Variants in COL21A1 observed in about 807,000 individuals in gnomAD.
COL21A1 encodes collagen type XXI alpha 1 chain, also known as collagen alpha-1(XXI) chain.
In COL21A1, 149 loss-of-function variants were observed where a neutral mutation model predicts 137.9. The observed-to-expected ratio is 1.08, with a 90% CI of 0.95 to 1.24. The LOEUF is 1.24. Among genes scored for constraint, COL21A1 ranks in the 50% most tolerant of loss-of-function variants. The pLI, the probability that COL21A1 is intolerant of heterozygous loss-of-function variation, is 0.00. For missense variants in COL21A1, 1,167 were observed against 1,158.4 expected (o/e 1.01, Z -0.11); for synonymous variants, 456 against 391.5 (o/e 1.16, Z -1.95).
At position 56,269,463 on chromosome 6, in the gene COL21A1, G is replaced by A. The variant is rs369202477; in HGVS notation, c.-38-86807C>T. ...GAGGTCAGGAGATCGAGACCATCCCGGCTAAAACGGTGAAACCCCGTCTCT... is the reference window on the plus strand; with the variant it reads ...GAGGTCAGGAGATCGAGACCATCCCAGCTAAAACGGTGAAACCCCGTCTCT... On this transcript the variant is annotated intron_variant, in intron 1 of 28. Coordinates refer to the COL21A1 transcript ENST00000370819. Among the ~76,000 whole-genome samples the A allele has an allele frequency of 6.5e-4, 99 of 151,732 alleles. No homozygotes were observed. The East Asian group carries it at 9.3e-3, about 14-fold the overall frequency.
rs9475662 is a variant in COL21A1, at chr6:56,313,066, C to A, written c.-39+80905G>T. Among the ~76,000 whole-genome samples the A allele has an allele frequency of 3.6e-3, 542 of 152,146 alleles. 6 individuals carry two copies. The highest frequency in any genetic ancestry group is 0.012 in the African/African-American group (518 of 41,514). On this transcript the variant is annotated intron_variant, in intron 1 of 28. Coordinates refer to the COL21A1 transcript ENST00000370819. ...CATGCTTGGCAAATCCCCCTGGTTT[C>A]TCGGGATCATTCAAGGTGGGGCAGG...
chr6:56,212,565 AAAC>A (rs1376740468), intron 1 of COL21A1, among the ~76,000 whole-genome samples: 1 of 152,094 alleles, frequency 6.6e-6, no homozygotes, highest in Non-Finnish European at 1.5e-5. Context: ...CTTTCAAGGA[AAAC>A]AACTAATCAT....
intron 1 of COL21A1, among the ~76,000 whole-genome samples, chr6:56,255,807 C>T (rs766504146): frequency 2.0e-5 from 3 of 152,166 alleles, no homozygotes; most frequent in Admixed American, 6.5e-5. Context: ...TCAAGAAAGC[C>T]GCAATGTACC....
intron 24 of COL21A1, among the ~76,000 whole-genome samples, chr6:56,063,795 TA>T (rs1350882467): frequency 6.6e-6 from 1 of 152,044 alleles, no homozygotes; most frequent in Non-Finnish European, 1.5e-5. Flanking sequence ...AGAGTTGGTG[TA>T]ATTGCAGAAT....
chr6:56,293,397 A>T (rs946595646), intron 1 of COL21A1, among the ~76,000 whole-genome samples: 1 of 152,120 alleles, frequency 6.6e-6, no homozygotes, highest in Non-Finnish European at 1.5e-5. Flanking sequence ...GACATTAAGG[A>T]TTCTTTTAGT....
At chr6:56,304,973 C>T (rs1028834841) in intron 1 of COL21A1, among the ~76,000 whole-genome samples, 3 of 152,156 alleles carry the variant, frequency 2.0e-5, no homozygotes, top group African/African-American at 7.2e-5. Flanking sequence ...TTTATTTCTG[C>T]CTTCATTTCG....
rs148600832 is a variant in COL21A1, at chr6:56,126,882, T to G, written c.1543-733A>C. Among the ~76,000 whole-genome samples, 483 of 152,286 alleles carry G rather than the reference T, an allele frequency of 3.2e-3. 2 individuals are homozygous for G. Among genetic ancestry groups the G allele is most frequent in the African/African-American group, 0.011 (460 of 41,562 alleles). ...ATTACACACAAGCAATCAATTATAC[T>G]CCTAGCTTGTCTGGTAGACATATTA... On this transcript the variant is annotated intron_variant, in intron 12 of 29. Coordinates refer to ENST00000244728, the MANE Select transcript of COL21A1 (RefSeq NM_030820.4).
intron 10 of COL21A1, among the ~76,000 whole-genome samples, chr6:56,151,412 T>C (rs555471341): frequency 2.6e-5 from 4 of 152,302 alleles, no homozygotes; most frequent in Middle Eastern, 3.4e-3. Context: ...CTGAATTACC[T>C]GGCAGGATAT....
rs376816512 is a variant in COL21A1, at chr6:56,171,899, T to G, written c.641-771A>C. Among the ~76,000 whole-genome samples, 6 of 152,054 alleles carry G rather than the reference T, an allele frequency of 3.9e-5. No homozygotes were observed. The East Asian group carries it at 7.7e-4, about 20-fold the overall frequency. ...GAAAAAATTTACTAAAGATGATTAA[T>G]AGCAGACTTTAACAAGCAGAGGGAA... On this transcript the variant is annotated intron_variant, in intron 3 of 29. Coordinates refer to ENST00000244728, the MANE Select transcript of COL21A1 (RefSeq NM_030820.4).
chr6:56,101,184 G>T (rs1326479826), intron 17 of COL21A1, among the ~76,000 whole-genome samples: 1 of 152,158 alleles, frequency 6.6e-6, no homozygotes, highest in Non-Finnish European at 1.5e-5. Context: ...GACATCGACT[G>T]AAGGCTCAGC....
chr6:56,373,897 A>G (rs993435829), intron 1 of COL21A1, among the ~76,000 whole-genome samples: 4 of 152,184 alleles, frequency 2.6e-5, no homozygotes, highest in African/African-American at 7.2e-5. Flanking sequence ...CTCCTCGTAA[A>G]CAGGCTTTTA....
chr6:56,386,360 A>G lies in COL21A1; in HGVS notation c.-39+7611T>C, dbSNP rs2094018215. ...TTGTTTCCACCTTTTGGCTAATGTG[A>G]ATAGTGCTGCTATACATAGTGTTTG... On this transcript the variant is annotated intron_variant, in intron 1 of 28. Coordinates refer to the COL21A1 transcript ENST00000370819. Among the ~76,000 whole-genome samples, 2 of 152,202 alleles carry G rather than the reference A, an allele frequency of 1.3e-5. 1 individual carries two copies. The highest frequency in any genetic ancestry group is 4.1e-4 in the South Asian group (2 of 4,826).
At chr6:56,159,592 A>T (rs1250087935) in intron 9 of COL21A1, among the ~76,000 whole-genome samples, 1 of 150,884 alleles carries the variant, frequency 6.6e-6, no homozygotes, top group African/African-American at 2.4e-5. Context: ...CTGCCTCCCA[A>T]AGTGTTGGGA....
At chr6:56,106,556 G>C (rs944285164) in intron 16 of COL21A1, among the ~76,000 whole-genome samples, 6 of 152,130 alleles carry the variant, frequency 3.9e-5, no homozygotes, top group Non-Finnish European at 7.4e-5. Context: ...TAAAAGAAGA[G>C]AGAATCTACA....
At chr6:56,167,664 G>A (rs1776698501) in intron 6 of COL21A1, among the ~76,000 whole-genome samples, 1 of 152,136 alleles carries the variant, frequency 6.6e-6, no homozygotes. Context: ...CAAAACTTCT[G>A]TAGGTATAAT....
chr6:56,194,111 A>G (rs1252626362), intron 1 of COL21A1, among the ~76,000 whole-genome samples: 2 of 152,104 alleles, frequency 1.3e-5, no homozygotes, highest in African/African-American at 4.8e-5. Flanking sequence ...AATTTTCACC[A>G]CCTTTCTTCC....
chr6:56,095,908 A>G (rs1769275214), intron 17 of COL21A1, among the ~76,000 whole-genome samples: 1 of 152,062 alleles, frequency 6.6e-6, no homozygotes, highest in African/African-American at 2.4e-5. Flanking sequence ...GTGCAGTGGC[A>G]TGATCTTGGC....
At chr6:56,074,994 T>C (rs1361345898) in intron 19 of COL21A1, among the ~76,000 whole-genome samples, 1 of 151,230 alleles carries the variant, frequency 6.6e-6, no homozygotes, top group Non-Finnish European at 1.5e-5. Flanking sequence ...GGGGGGATTC[T>C]TGCACACATG....
intron 16 of COL21A1, among the ~76,000 whole-genome samples, chr6:56,116,340 G>T (rs1187274076): frequency 6.7e-6 from 1 of 148,300 alleles, no homozygotes; most frequent in Admixed American, 6.8e-5. Flanking sequence ...TTCAGTGGAA[G>T]GCTTACAGGC....
Sources: allele counts gnomAD v4.1 joint callset (sites outside exome capture counted in the v4.1 genomes callset), GRCh38; gene constraint gnomAD v4.1.1; transcripts MANE v1.5; gene names NCBI Gene and HGNC (gene_info 2026-07-23, HGNC 2026-07-21).